Variants in BICD1 observed in about 807,000 individuals in gnomAD.
BICD1 encodes BICD cargo adaptor 1.
BICD1 carries 35 observed loss-of-function variants against 92.5 expected under a neutral mutation model. That is an observed-to-expected ratio of 0.38 (90% CI 0.29 to 0.50). The LOEUF (loss-of-function observed/expected upper bound fraction) is 0.50, where lower values mean the gene tolerates loss of function less well. Among genes scored for constraint, BICD1 ranks in the 20% least tolerant of loss-of-function variants. The pLI is 0.93. For missense variants in BICD1, 950 were observed against 1,189.8 expected (o/e 0.80, Z 2.97); for synonymous variants, 429 against 465.1 (o/e 0.92, Z 1.00).
intron 3 of BICD1, among the ~76,000 whole-genome samples, chr12:32,303,539 T>A (rs1054828251): frequency 6.6e-6 from 1 of 152,186 alleles, no homozygotes; most frequent in African/African-American, 2.4e-5. Context: ...ATAAGACTAG[T>A]ACCAGCCAAT....
intron 1 of BICD1, among the ~76,000 whole-genome samples, chr12:32,121,990 A>G (rs1382201931): frequency 2.6e-5 from 4 of 151,596 alleles, no homozygotes; most frequent in African/African-American, 9.7e-5. Flanking sequence ...ATTTTTTTGT[A>G]TTTTTTGTAG....
intron 1 of BICD1, among the ~76,000 whole-genome samples, chr12:32,142,421 A>G (rs1020901776): frequency 1.4e-5 from 1 of 69,010 alleles, no homozygotes; most frequent in Non-Finnish European, 2.8e-5. Context: ...AAAAAAAAAA[A>G]AAAAAAAAAA....
chr12:32,335,996 G>A (rs1331480887), intron 6 of BICD1, among the ~76,000 whole-genome samples: 1 of 152,088 alleles, frequency 6.6e-6, no homozygotes, highest in Admixed American at 6.6e-5. Context: ...GCTGATACAT[G>A]TAAAAGTGTT....
intron 1 of BICD1, among the ~76,000 whole-genome samples, chr12:32,183,880 T>G (rs1306031987): frequency 6.6e-6 from 1 of 151,852 alleles, no homozygotes; most frequent in Non-Finnish European, 1.5e-5. Context: ...TAGATAGAGG[T>G]TGCTAGGGGG....
intron 1 of BICD1, among the ~76,000 whole-genome samples, chr12:32,207,105 G>A (rs1945079879): frequency 6.6e-6 from 1 of 152,206 alleles, no homozygotes; most frequent in South Asian, 2.1e-4. Flanking sequence ...GACCAAGGAG[G>A]ACAGACAGAG....
intron 4 of BICD1, among the ~76,000 whole-genome samples, chr12:32,319,948 T>G (rs1948605449): frequency 6.6e-6 from 1 of 152,206 alleles, no homozygotes; most frequent in South Asian, 2.1e-4. Context: ...GACTTTTGTG[T>G]GTTAGTGTGC....
chr12:32,325,392 TG>T (rs1231329309), intron 4 of BICD1, among the ~76,000 whole-genome samples: 1 of 152,174 alleles, frequency 6.6e-6, no homozygotes, highest in Non-Finnish European at 1.5e-5. Flanking sequence ...TTTTATAGAC[TG>T]AAGTGCTGGC....
intron 8 of BICD1, among the ~76,000 whole-genome samples, chr12:32,359,377 G>A (rs1430429648): frequency 6.6e-6 from 1 of 151,782 alleles, no homozygotes; most frequent in Non-Finnish European, 1.5e-5. Context: ...CAAGGTCACG[G>A]TGAGAGCCTT....
At chr12:32,123,640 G>T (rs1000541059) in intron 1 of BICD1, among the ~76,000 whole-genome samples, 19 of 152,206 alleles carry the variant, frequency 1.2e-4, no homozygotes, top group Non-Finnish European at 2.6e-4. Context: ...AGTTTGGGAG[G>T]CTGAGGCGGG....
At chr12:32,157,330 A>G (rs940129080) in intron 1 of BICD1, among the ~76,000 whole-genome samples, 9 of 152,190 alleles carry the variant, frequency 5.9e-5, no homozygotes, top group African/African-American at 2.2e-4. Flanking sequence ...GACGTTAATG[A>G]AGAATCCAGT....
chr12:32,233,322 T>TTTAAAAAAA (rs35803631), intron 2 of BICD1, among the ~76,000 whole-genome samples: 1 of 127,080 alleles, frequency 7.9e-6, no homozygotes, highest in African/African-American at 2.9e-5. Context: ...AGTCTGTCTT[T>TTTAAAAAAA]AAAAAAAAAA....
At chr12:32,163,986 G>GT (rs1231974240) in intron 1 of BICD1, among the ~76,000 whole-genome samples, 1 of 152,030 alleles carries the variant, frequency 6.6e-6, no homozygotes, top group African/African-American at 2.4e-5. Context: ...TTTATTTTCT[G>GT]TTTTTTAAGA....
At chr12:32,354,901 CTA>C (rs1459718997) in intron 8 of BICD1, among the ~76,000 whole-genome samples, 2 of 152,058 alleles carry the variant, frequency 1.3e-5, no homozygotes, top group Non-Finnish European at 2.9e-5. Flanking sequence ...ATTCTCTACT[CTA>C]TATGTGTGTT....
intron 2 of BICD1, among the ~76,000 whole-genome samples, chr12:32,284,709 A>G (rs1947516359): frequency 6.6e-6 from 1 of 152,160 alleles, no homozygotes; most frequent in African/African-American, 2.4e-5. Flanking sequence ...TGCTTTGTTA[A>G]ACAAAGGAAT....
chr12:32,152,106 G>GCTAC (rs774004718), intron 1 of BICD1, among the ~76,000 whole-genome samples: 4 of 151,966 alleles, frequency 2.6e-5, no homozygotes, highest in Non-Finnish European at 4.4e-5. Flanking sequence ...ACAGGCACAC[G>GCTAC]CTACCATGCC....
intron 1 of BICD1, among the ~76,000 whole-genome samples, chr12:32,130,285 G>A (rs1001827131): frequency 2.0e-4 from 31 of 151,660 alleles, no homozygotes; most frequent in Non-Finnish European, 4.1e-4. Context: ...CTCACTGCAA[G>A]CTCCGCCTCT....
chr12:32,131,031 C>T (rs555800293), intron 1 of BICD1, among the ~76,000 whole-genome samples: 13 of 151,954 alleles, frequency 8.6e-5, no homozygotes, highest in East Asian at 1.9e-4. Flanking sequence ...GACGGGGTTT[C>T]GTCATGTTGG....
chr12:32,218,139 G>A (rs934353322), intron 2 of BICD1, among the ~76,000 whole-genome samples: 5 of 151,970 alleles, frequency 3.3e-5, no homozygotes, highest in East Asian at 1.9e-4. Context: ...GTGAGTCAAC[G>A]TGGTGATGAT....
intron 8 of BICD1, among the ~76,000 whole-genome samples, chr12:32,359,847 T>C (rs1035259475): frequency 3.3e-5 from 5 of 152,126 alleles, no homozygotes; most frequent in African/African-American, 1.2e-4. Context: ...GGCGTGTGTG[T>C]TCCTTATATC....
Sources: gnomAD v4.1 joint callset for allele counts (sites outside exome capture counted in the v4.1 genomes callset) on GRCh38, gnomAD v4.1.1 for gene constraint, MANE v1.5 for transcripts, NCBI Gene and HGNC (gene_info 2026-07-23, HGNC 2026-07-21) for gene names.